NOTCH3: variants seen among roughly 807,000 people sequenced by gnomAD.
NOTCH3 encodes notch receptor 3.
A neutral mutation model predicts 213.3 loss-of-function variants in NOTCH3; 86 were observed. The observed-to-expected ratio is 0.40, with a 90% CI of 0.34 to 0.48. NOTCH3 has a LOEUF of 0.48. Ranked by LOEUF, NOTCH3 falls within the 20% of genes least tolerant of loss-of-function variation. NOTCH3 has a pLI of 0.57. For synonymous variants in NOTCH3, 1,354 were observed against 1,355.9 expected, an observed-to-expected ratio of 1.00 and a Z score of 0.03; for missense variants, 2,783 against 3,272.6, an observed-to-expected ratio of 0.85 and a Z score of 3.65.
At position 15,189,165 on chromosome 19, in the gene NOTCH3, G is replaced by T; in HGVS notation, c.1202C>A (p.Pro401His). The change falls in exon 8 of 33, where the codon CCC becomes CAC. Residue 401 changes from proline (P) to histidine (H), a missense_variant. This residue lies in a region of NOTCH3 where 708 missense variants were observed against 906.6 expected (regional missense o/e 0.78). Coordinates refer to ENST00000263388, the MANE Select transcript of NOTCH3 (RefSeq NM_000435.3). ...DVDECSIGANPCEHLGRCVNT... is the reference protein window; with the variant it reads ...DVDECSIGANHCEHLGRCVNT... Reference sequence around the variant, plus strand: ...CACGCACCTGCCCAAGTGCTCGCAGGGGTTGGCGCCTGCCGGATGGAGTGC... The same window carrying T: ...CACGCACCTGCCCAAGTGCTCGCAGTGGTTGGCGCCTGCCGGATGGAGTGC... 1.9e-6 allele frequency: 3 copies of T among 1,613,346 alleles called. No individual in the cohort carries two copies. Among genetic ancestry groups the T allele is most frequent in the Non-Finnish European group, 2.5e-6 (3 of 1,180,034 alleles).
In NOTCH3 at chr19:15,186,379, A is replaced by ATGTG. The variant is rs36233245; in HGVS notation, c.1951+495_1951+498dup. 8.2e-3 allele frequency among the ~76,000 whole-genome samples: 1,135 copies of ATGTG among 138,532 alleles called. 36 individuals are homozygous for ATGTG. The highest frequency in any genetic ancestry group is 0.063 in the Admixed American group (854 of 13,642). The allele number at this position is 138,532 out of a possible 152,430, so 90.9% of individuals were successfully genotyped here. A position where few individuals can be genotyped will look rare whatever the true frequency, so the allele number is the denominator to read the frequency against. ...GAATAATCTTTTTGTTTGTTTTTGT[A>ATGTG]TGTGTGTGTGTGTGTGTGTGTGTGT... On this transcript the variant is annotated intron_variant, in intron 12 of 32. Coordinates refer to ENST00000263388, the MANE Select transcript of NOTCH3 (RefSeq NM_000435.3).
chr19:15,188,480 G>A, intron 8 of NOTCH3, 132 bp from the exon 9 acceptor site: 7 of 708,518 alleles, frequency 9.9e-6, no homozygotes, highest in South Asian at 9.0e-5. Context: ...TACACTCCCA[G>A]CCCAACCTTA....
intron 16 of NOTCH3, among the ~76,000 whole-genome samples, chr19:15,183,355 G>A (rs1167346098): frequency 6.6e-6 from 1 of 151,180 alleles, no homozygotes; most frequent in Non-Finnish European, 1.5e-5. Context: ...TATGTGGCTT[G>A]TGTTATTTAT....
intron 8 of NOTCH3, 105 bp downstream of exon 8, chr19:15,188,884 C>T: frequency 8.6e-7 from 1 of 1,162,072 alleles, no homozygotes. Context: ...CTAAGGGTCC[C>T]ACTCCAAACC....
rs192515072 is a variant in NOTCH3 at position 15,188,181 on chromosome 19, T to G, written c.1492+54A>C. 3.2e-4 allele frequency: 431 copies of G among 1,361,846 alleles called. 2 individuals carry two copies. Among genetic ancestry groups the G allele is most frequent in the Admixed American group, 2.0e-3 (104 of 51,162 alleles). The allele number at this position is 1,361,846 out of a possible 1,614,324, so 84.4% of individuals were successfully genotyped here. ...GGTTTTACAGGTTCCCACCCTGGAG[T>G]TTTTGCCCCTTCCCAGACATGTCTT... On this transcript the variant is annotated intron_variant, in intron 9 of 32. Coordinates refer to ENST00000263388, the MANE Select transcript of NOTCH3 (RefSeq NM_000435.3).
At chr19:15,190,578 C>A (rs10404382) in intron 6 of NOTCH3, among the ~76,000 whole-genome samples, 132,190 of 152,106 alleles carry the variant, frequency 0.87, 57,636 homozygotes, top group African/African-American at 0.91. Context: ...CCTCCAGCAT[C>A]ATCTTTTTTT....
At position 15,165,524 on chromosome 19, in the gene NOTCH3, G is replaced by C. The variant is rs375464998; in HGVS notation, c.5668-9C>G. The C allele has an allele frequency of 2.0e-5, 32 of 1,610,734 alleles. No homozygotes were observed. The African/African-American group carries it at 3.7e-4, about 19-fold the overall frequency. On this transcript the variant is annotated splice_polypyrimidine_tract_variant and intron_variant, in intron 30 of 32. Coordinates refer to ENST00000263388, the MANE Select transcript of NOTCH3 (RefSeq NM_000435.3). The surrounding 1 kb of genome is among the most constrained non-coding windows in gnomAD (Gnocchi z 4.7). ...CGGTTTCGGATGAGAATCTAGGACA[G>C]AGAGTGGATGCAGCAGGAGGGGTCA...
At chr19:15,163,481 C>G (rs2046661632) in intron 31 of NOTCH3, among the ~76,000 whole-genome samples, 1 of 152,150 alleles carries the variant, frequency 6.6e-6, no homozygotes, top group African/African-American at 2.4e-5. Context: ...AGATGTGACA[C>G]CAAAACCACA....
chr19:15,174,057 G>A lies in NOTCH3; in HGVS notation c.4736+11C>T, dbSNP rs775391018. Reference sequence around the variant, plus strand: ...CCAGCCACCACGGCTTTTCCAGGTGGGGTCACTCACCCGATCACCTCGGGG... The same window carrying A: ...CCAGCCACCACGGCTTTTCCAGGTGAGGTCACTCACCCGATCACCTCGGGG... On this transcript the variant is annotated intron_variant, in intron 25 of 32. Transcript: ENST00000263388. 6.5e-7 allele frequency: 1 copy of A among 1,550,002 alleles called. No homozygotes were observed. Among genetic ancestry groups the A allele is most frequent in the Non-Finnish European group, 8.7e-7 (1 of 1,144,706 alleles).
chr19:15,196,308 A>G (rs918943340), intron 2 of NOTCH3, among the ~76,000 whole-genome samples: 3 of 152,040 alleles, frequency 2.0e-5, no homozygotes, highest in African/African-American at 7.2e-5. Flanking sequence ...TCGCCCTCCC[A>G]GGTGTGTGGC....
rs2145382247 is a variant in NOTCH3 at position 15,161,353 on chromosome 19, A to AG, written c.6274dup (p.Leu2092ProfsTer3). ...CGACAGCGTGACCGAGCTGTCAGCC[A>AG]GGGGGCCCGGGCAGGCCAGCGTCAG... On this transcript the variant is annotated frameshift_variant, in exon 33 of 33. Transcript: ENST00000263388. LOFTEE classifies it low-confidence loss of function (END_TRUNC). 6.6e-7 allele frequency: 1 copy of AG among 1,525,852 alleles called. No individual in the cohort carries two copies. The highest frequency in any genetic ancestry group is 8.8e-7 in the Non-Finnish European group (1 of 1,138,330). 94.5% of individuals were successfully genotyped at this position (1,525,852 alleles called of 1,614,324 possible). A position where few individuals can be genotyped will look rare whatever the true frequency, so the allele number is the denominator to read the frequency against.
At position 15,185,696 on chromosome 19, in the gene NOTCH3, C is replaced by T. The variant is rs764026419; in HGVS notation, c.1952-17G>A. On this transcript the variant is annotated splice_polypyrimidine_tract_variant and intron_variant, in intron 12 of 32. Coordinates refer to ENST00000263388, the MANE Select transcript of NOTCH3 (RefSeq NM_000435.3). The surrounding 1 kb of genome is among the most constrained non-coding windows in gnomAD (Gnocchi z 4.2). ...AAAGGGGCCCTGGGGAGTACACAAG[C>T]AATCTCATCTCAGAACAAAGTCAGC... 1 of 1,612,038 alleles carries T rather than the reference C, an allele frequency of 6.2e-7. No homozygotes were observed. The highest frequency in any genetic ancestry group is 1.3e-5 in the African/African-American group (1 of 74,878).
chr19:15,191,142 T>C (rs2145439285), intron 6 of NOTCH3, among the ~76,000 whole-genome samples: 2 of 152,200 alleles, frequency 1.3e-5, no homozygotes, highest in South Asian at 4.1e-4. Flanking sequence ...CAAGCTACTC[T>C]CGTGCCTTAG....
Position 15,177,611 on chromosome 19 carries a change from G to A in NOTCH3, c.4317C>T (p.Asn1439=), listed in dbSNP as rs76555145. The change falls in exon 24 of 33, where the codon AAC becomes AAT. Residue 1439 remains asparagine (N), a synonymous_variant. Coordinates refer to ENST00000263388, the MANE Select transcript of NOTCH3 (RefSeq NM_000435.3). ...EALQCWRLFN[N]SRCDPACSSP... is the part of the protein sequence containing the mutation. Reference sequence around the variant, plus strand: ...AGCTGCAGGCGGGGTCGCAGCGGCTGTTGTTGAAGAGGCGCCAGCACTGCA... The same window carrying A: ...AGCTGCAGGCGGGGTCGCAGCGGCTATTGTTGAAGAGGCGCCAGCACTGCA... 1 of 1,593,962 alleles carries A rather than the reference G, an allele frequency of 6.3e-7. No homozygotes were observed. Among genetic ancestry groups the A allele is most frequent in the Non-Finnish European group, 8.5e-7 (1 of 1,172,574 alleles).
chr19:15,166,799 C>T (rs10410514), intron 29 of NOTCH3, among the ~76,000 whole-genome samples: 136,649 of 151,796 alleles, frequency 0.9, 61,818 homozygotes, highest in African/African-American at 0.97. Flanking sequence ...CTGACCTCCC[C>T]GCTCCACCAG....
chr19:15,166,732 A>G (rs982272070), intron 29 of NOTCH3, among the ~76,000 whole-genome samples: 2 of 152,128 alleles, frequency 1.3e-5, no homozygotes, highest in African/African-American at 2.4e-5. Flanking sequence ...ACTTGTCCTC[A>G]TTTTTCTTAG....
At position 15,159,492 on chromosome 19, in the gene NOTCH3, C is replaced by T. The variant is rs1380570121; in HGVS notation, c.*1170G>A. ...AACCACTAATCCAATCGGTAGTCAT[C>T]TGCCAAAAGAGGAAGCATAAGTAGA... On this transcript the variant is annotated 3_prime_UTR_variant, in exon 33 of 33. Coordinates refer to ENST00000263388, the MANE Select transcript of NOTCH3 (RefSeq NM_000435.3). The T allele has an allele frequency of 5.1e-6, 1 of 195,308 alleles. No homozygotes were observed. The highest frequency in any genetic ancestry group is 2.3e-5 in the African/African-American group (1 of 43,164). 12.1% of individuals were successfully genotyped at this position (195,308 alleles called of 1,614,324 possible).
rs995827696 is a variant in NOTCH3 at position 15,172,392 on chromosome 19, G to C, written c.4737-1567C>G. 9.2e-5 allele frequency among the ~76,000 whole-genome samples: 14 copies of C among 151,854 alleles called. No individual in the cohort carries two copies. The East Asian group carries it at 2.7e-3, about 29-fold the overall frequency. On this transcript the variant is annotated intron_variant, in intron 25 of 32. Coordinates refer to ENST00000263388, the MANE Select transcript of NOTCH3 (RefSeq NM_000435.3). ...TTGGAGGCCTTCCCAATACTTCCAG[G>C]TCCCTCAGACTCTGCAAGCTCCAAA... is the stretch of plus-strand genomic sequence containing the variant.
chr19:15,189,073 C>G lies in NOTCH3; in HGVS notation c.1294G>C (p.Val432Leu). The change falls in exon 8 of 33, where the codon GTC becomes CTC. Residue 432 changes from valine to leucine, a missense_variant. Val to Leu is a conservative substitution (Grantham distance 32). Coordinates refer to ENST00000263388, the MANE Select transcript of NOTCH3 (RefSeq NM_000435.3). ...GYTGPRCETD[V>L]NECLSGPCRN... is the part of the protein sequence containing the mutation. ...CAGGGCCCCGACAGACACTCGTTGA[C>G]ATCGGTCTCACAGCGAGGTCCAGTG... 2 of 1,613,172 alleles carry G rather than the reference C, an allele frequency of 1.2e-6. No homozygotes were observed. Among genetic ancestry groups the G allele is most frequent in the Non-Finnish European group, 1.7e-6 (2 of 1,180,032 alleles).
Sources: gnomAD v4.1 joint callset for allele counts (sites outside exome capture counted in the v4.1 genomes callset) on GRCh38, gnomAD v4.1.1 for gene constraint, gnomAD v4.1.1 regional missense constraint, Gnocchi (gnomAD v3.1) non-coding constraint, MANE v1.5 for transcripts, NCBI Gene and HGNC (gene_info 2026-07-23, HGNC 2026-07-21) for gene names.